NCKAP1: variants seen among roughly 807,000 people sequenced by gnomAD.
NCKAP1 encodes the protein nck-associated protein 1.
NCKAP1 carries 21 observed loss-of-function variants against 151.2 expected under a neutral mutation model. The ratio of observed to expected loss-of-function variants is 0.14; its 90% confidence interval spans 0.10 to 0.20. The LOEUF (loss-of-function observed/expected upper bound fraction) is 0.20. Ranked by LOEUF, NCKAP1 falls within the 10% of genes least tolerant of loss-of-function variation. NCKAP1 has a pLI of 1.00. For missense variants in NCKAP1, 933 were observed against 1,352.1 expected (o/e 0.69, Z 4.86); for synonymous variants, 484 against 451.8 (o/e 1.07, Z -0.90).
intron 20 of NCKAP1, among the ~76,000 whole-genome samples, chr2:182,954,978 C>G (rs957441498): frequency 6.6e-6 from 1 of 152,028 alleles, no homozygotes; most frequent in Non-Finnish European, 1.5e-5. Flanking sequence ...TTCCACCCAC[C>G]AATGTCCCAC....
chr2:182,926,720 A>T, intron 30 of NCKAP1, 96 bp downstream of exon 30: 2 of 794,918 alleles, frequency 2.5e-6, no homozygotes, highest in Non-Finnish European at 4.0e-6. Flanking sequence ...AACAAAAGGG[A>T]TCAAAAAAAG....
intron 2 of NCKAP1, among the ~76,000 whole-genome samples, chr2:183,004,251 C>T (rs958262408): frequency 6.6e-6 from 1 of 152,050 alleles, no homozygotes; most frequent in Admixed American, 6.5e-5. Context: ...TTATTCAGAA[C>T]ATGAGAAAAC....
In NCKAP1 at chr2:182,956,609, A is replaced by G; in HGVS notation, c.2022-16T>C. ...TTTATCAAGGCTGAAAAAAATTAAT[A>G]AACAGTTAAAATGTTCACATGTCAT... On this transcript the variant is annotated splice_polypyrimidine_tract_variant and intron_variant, in intron 19 of 30. Transcript: ENST00000361354. 3 of 1,594,104 alleles carry G rather than the reference A, an allele frequency of 1.9e-6. No homozygotes were observed. The highest frequency in any genetic ancestry group is 2.6e-6 in the Non-Finnish European group (3 of 1,172,864).
intron 12 of NCKAP1, among the ~76,000 whole-genome samples, chr2:182,982,422 T>C (rs1048925856): frequency 1.3e-5 from 2 of 151,784 alleles, no homozygotes; most frequent in Non-Finnish European, 2.9e-5. Context: ...GGATGTACTA[T>C]CTTTCTAATT....
chr2:183,009,108 T>A (rs548624697), intron 2 of NCKAP1, among the ~76,000 whole-genome samples: 1 of 152,198 alleles, frequency 6.6e-6, no homozygotes, highest in East Asian at 1.9e-4. Flanking sequence ...GTGCGGAGGA[T>A]CACGCCTGCA....
At chr2:183,034,294 A>G (rs1699060798) in intron 1 of NCKAP1, among the ~76,000 whole-genome samples, 1 of 152,168 alleles carries the variant, frequency 6.6e-6, no homozygotes, top group South Asian at 2.1e-4. Context: ...AAAAAAAGAA[A>G]AATATTCCTC....
intron 24 of NCKAP1, among the ~76,000 whole-genome samples, chr2:182,939,447 T>C (rs1226242627): frequency 1.3e-5 from 2 of 152,106 alleles, no homozygotes; most frequent in African/African-American, 4.8e-5. Flanking sequence ...GAGAATTGGT[T>C]GAACCAGGAG....
intron 8 of NCKAP1, among the ~76,000 whole-genome samples, chr2:182,992,911 T>G (rs571347806): frequency 6.6e-6 from 1 of 152,184 alleles, no homozygotes; most frequent in Non-Finnish European, 1.5e-5. Flanking sequence ...TTTTATGTCT[T>G]TATTATTTTG....
At chr2:183,004,626 G>A (rs1228048153) in intron 2 of NCKAP1, among the ~76,000 whole-genome samples, 1 of 151,916 alleles carries the variant, frequency 6.6e-6, no homozygotes, top group Non-Finnish European at 1.5e-5. Context: ...ACTCAAGCCT[G>A]TAATCCCAGC....
At chr2:183,035,283 T>TAAA (rs962780096) in intron 1 of NCKAP1, among the ~76,000 whole-genome samples, 1 of 144,164 alleles carries the variant, frequency 6.9e-6, no homozygotes, top group African/African-American at 2.5e-5. Context: ...CTGATGAAAT[T>TAAA]AAAAAAAAAA....
chr2:182,959,409 CCTGGG>C (rs1697394075), intron 18 of NCKAP1, among the ~76,000 whole-genome samples: 2 of 152,130 alleles, frequency 1.3e-5, no homozygotes, highest in Admixed American at 1.3e-4. Flanking sequence ...GGGCTTCATC[CCTGGG>C]ATGCAAGGCT....
chr2:182,993,593 A>G (rs991288549), intron 8 of NCKAP1, among the ~76,000 whole-genome samples: 1 of 152,176 alleles, frequency 6.6e-6, no homozygotes, highest in African/African-American at 2.4e-5. Context: ...ATGGAGATGG[A>G]GGTCATTATC....
In NCKAP1 at chr2:182,935,134, T is replaced by C. The variant is rs116443097; in HGVS notation, c.2778+159A>G. On this transcript the variant is annotated intron_variant, in intron 25 of 30. Coordinates refer to ENST00000361354, the MANE Select transcript of NCKAP1 (RefSeq NM_013436.5). ...AGCAGTACCAAAACAAAAAATGAGC[T>C]TAAATAACTAATTTTATGTATGTTA... The C allele has an allele frequency of 4.6e-3, 2,910 of 627,884 alleles. 71 individuals carry two copies. The African/African-American group carries it at 0.05, about 11-fold the overall frequency. 38.9% of individuals were successfully genotyped at this position (627,884 alleles called of 1,614,324 possible). A position where few individuals can be genotyped will look rare whatever the true frequency, so the allele number is the denominator to read the frequency against.
At chr2:182,994,953 C>T in intron 7 of NCKAP1, 66 bp from the exon 8 acceptor site, 1 of 1,263,118 alleles carries the variant, frequency 7.9e-7, no homozygotes, top group Admixed American at 1.8e-5. Context: ...TATTGAGCCA[C>T]TCTCCTCCCT....
chr2:182,928,748 T>C (rs771402447), intron 28 of NCKAP1, 35 bp downstream of exon 28: 6 of 1,380,022 alleles, frequency 4.3e-6, no homozygotes, highest in Non-Finnish European at 5.0e-6. Context: ...ACCCATGATT[T>C]ATTCATCGCC....
chr2:182,910,833 AGAGAAAGTTACT>A lies in NCKAP1; in HGVS notation c.*14857_*14868del, dbSNP rs1399771268. ...GAACACTGGCTTATCAGCAACCTTC[AGAGAAAGTTACT>A]GAGAAGAAGGTGATTGCTAAGTATT... On this transcript the variant is annotated 3_prime_UTR_variant, in exon 31 of 31. Coordinates refer to ENST00000361354, the MANE Select transcript of NCKAP1 (RefSeq NM_013436.5). The A allele has an allele frequency of 1.3e-5, 2 of 152,186 alleles. No homozygotes were observed. The highest frequency in any genetic ancestry group is 1.3e-4 in the Admixed American group (2 of 15,276). 9.4% of individuals were successfully genotyped at this position (152,186 alleles called of 1,614,324 possible). A position where few individuals can be genotyped will look rare whatever the true frequency, so the allele number is the denominator to read the frequency against.
rs531388555 is a variant in NCKAP1 at position 182,925,552 on chromosome 2, T to C, written c.*150A>G. On this transcript the variant is annotated 3_prime_UTR_variant, in exon 31 of 31. Transcript: ENST00000361354. ...CCAAGTATACTGTAGTACAACCATA[T>C]TAAGAAACCAATGATCAGAAAATAC... is the stretch of plus-strand genomic sequence containing the variant. 300 of 453,722 alleles carry C rather than the reference T, an allele frequency of 6.6e-4. 2 individuals are homozygous for C. Among genetic ancestry groups the C allele is most frequent in the Middle Eastern group, 5.7e-4 (1 of 1,742 alleles). The allele number at this position is 453,722 out of a possible 1,614,324, so 28.1% of individuals were successfully genotyped here.
At chr2:182,956,877 A>T (rs1291900110) in intron 19 of NCKAP1, 1 of 232,248 alleles carries the variant, frequency 4.3e-6, no homozygotes. Flanking sequence ...ATCACGCCCA[A>T]TTCCTGAAGT....
intron 26 of NCKAP1, among the ~76,000 whole-genome samples, chr2:182,933,520 A>T (rs1256243781): frequency 6.6e-6 from 1 of 151,278 alleles, no homozygotes; most frequent in Non-Finnish European, 1.5e-5. Context: ...CACCCTCCCG[A>T]GTAGCTGGGA....
Sources: allele counts gnomAD v4.1 joint callset (sites outside exome capture counted in the v4.1 genomes callset), GRCh38; gene constraint gnomAD v4.1.1; transcripts MANE v1.5; gene names NCBI Gene and HGNC (gene_info 2026-07-23, HGNC 2026-07-21).